MRC2: variants seen among roughly 807,000 people sequenced by gnomAD.
MRC2 encodes C-type mannose receptor 2.
Under a neutral mutation model 206.2 loss-of-function variants are expected in MRC2, and 84 were observed. The observed-to-expected ratio is 0.41, with a 90% CI of 0.34 to 0.49. The LOEUF (loss-of-function observed/expected upper bound fraction) is 0.49. Among genes scored for constraint, MRC2 ranks in the 20% least tolerant of loss-of-function variants. The pLI is 0.31. For missense variants in MRC2, 1,676 were observed against 2,001.5 expected (o/e 0.84, Z 3.10); for synonymous variants, 798 against 800.0 (o/e 1.00, Z 0.04).
At chr17:62,630,552 G>A (rs1165130127) in intron 1 of MRC2, among the ~76,000 whole-genome samples, 2 of 152,180 alleles carry the variant, frequency 1.3e-5, no homozygotes, top group Non-Finnish European at 2.9e-5. Context: ...CCGGGGAGAA[G>A]GTTGAGTGAA....
intron 14 of MRC2, 34 bp downstream of exon 14, chr17:62,679,936 C>T: frequency 6.3e-7 from 1 of 1,579,870 alleles, no homozygotes; most frequent in Non-Finnish European, 8.6e-7. Flanking sequence ...GACTGCGAGG[C>T]CGGGAGCTTG....
intron 26 of MRC2, 66 bp downstream of exon 26, chr17:62,690,371 C>G: frequency 1.8e-5 from 27 of 1,534,676 alleles, no homozygotes; most frequent in Non-Finnish European, 2.4e-5. Context: ...GGCACTCAGA[C>G]CCATGAGTAC....
intron 1 of MRC2, 28 bp downstream of exon 1, chr17:62,627,948 C>A: frequency 7.3e-7 from 1 of 1,377,076 alleles, no homozygotes; most frequent in Non-Finnish European, 9.4e-7. Flanking sequence ...TGGCCAACTT[C>A]AGGGCCCGGG....
At chr17:62,640,685 A>ATT (rs869295016) in intron 1 of MRC2, among the ~76,000 whole-genome samples, 1,821 of 135,124 alleles carry the variant, frequency 0.013, 42 homozygotes, top group African/African-American at 0.046. Flanking sequence ...CTAATATTTA[A>ATT]TTTTTTTTTT....
intron 18 of MRC2, 182 bp downstream of exon 18, chr17:62,681,311 C>T (rs2088963665): frequency 3.0e-6 from 2 of 667,492 alleles, no homozygotes; most frequent in South Asian, 3.9e-5. Context: ...ATGAGGCCTG[C>T]CTGGTAAGAT....
chr17:62,667,400 C>T lies in MRC2; in HGVS notation c.984C>T (p.Asp328=). The T allele has an allele frequency of 6.2e-7, 1 of 1,600,292 alleles. No individual in the cohort carries two copies. The highest frequency in any genetic ancestry group is 8.5e-7 in the Non-Finnish European group (1 of 1,174,976). Residue 328 remains aspartate (D), a synonymous_variant, in exon 6 of 30, where the codon GAC becomes GAT. Transcript: ENST00000303375. This position sits in a 1 kb window ranked among gnomAD's most constrained non-coding sequence, Gnocchi z 4.1. The part of the protein sequence containing the change: ...KYLNWESDQP[D]NPSEENCGVI... ...CTGCCCTCCCCACAGACCAGCCGGA[C>T]AACCCCAGTGAGGAGAACTGTGGAG...
chr17:62,691,190 G>T, intron 28 of MRC2, 62 bp downstream of exon 28: 3 of 1,507,912 alleles, frequency 2.0e-6, no homozygotes, highest in Non-Finnish European at 2.7e-6. Flanking sequence ...TCCTGGGCTG[G>T]GGCTGGGGGC....
rs1305660234 is a variant in MRC2 at position 62,666,116 on chromosome 17, C to T, written c.543C>T (p.Asn181=). ...PYHEVYTIQG[N]SHGKPCTIPF... ...CAGAGGTCTACACCATCCAGGGAAA[C>T]TCCCACGGAAAGCCGTGCACCATCC... Residue 181 remains asparagine (N), a synonymous_variant, in exon 3 of 30, where the codon AAC becomes AAT. Transcript: ENST00000303375. The surrounding 1 kb of genome is among the most constrained non-coding windows in gnomAD (Gnocchi z 5.0). 5.0e-6 allele frequency: 8 copies of T among 1,594,778 alleles called. No homozygotes were observed. The highest frequency in any genetic ancestry group is 6.8e-6 in the Non-Finnish European group (8 of 1,170,266).
At position 62,671,710 on chromosome 17, in the gene MRC2, C is replaced by A; in HGVS notation, c.1179C>A (p.Cys393Ter). ...EPSWQPFQGH[C>*]YRLQAEKRSW... ...GCTGGCAGCCCTTCCAGGGCCACTG[C>A]TACCGCCTGCAGGCCGAGAAGCGCA... is the stretch of plus-strand genomic sequence containing the variant. Residue 393 changes from cysteine (C) to a stop codon, truncating the protein, a stop_gained, in exon 7 of 30, where the codon TGC (cysteine) becomes TGA (stop). Coordinates refer to ENST00000303375, the MANE Select transcript of MRC2 (RefSeq NM_006039.5). LOFTEE classifies it high-confidence loss of function. The surrounding 1 kb of genome is among the most constrained non-coding windows in gnomAD (Gnocchi z 4.5). The A allele has an allele frequency of 6.2e-7, 1 of 1,612,182 alleles. No homozygotes were observed. Among genetic ancestry groups the A allele is most frequent in the Non-Finnish European group, 8.5e-7 (1 of 1,179,166 alleles).
chr17:62,680,700 C>T lies in MRC2; in HGVS notation c.2474-100C>T. On this transcript the variant is annotated intron_variant, in intron 16 of 29. Coordinates refer to ENST00000303375, the MANE Select transcript of MRC2 (RefSeq NM_006039.5). The surrounding 1 kb of genome is among the most constrained non-coding windows in gnomAD (Gnocchi z 4.8). ...TCCGGTGTGCCTGCAGGCTCGCCTG[C>T]TGCCGCCTGGCTCTGCCCCGGCCCT... 7.3e-7 allele frequency: 1 copy of T among 1,369,370 alleles called. No individual in the cohort carries two copies. The highest frequency in any genetic ancestry group is 9.5e-7 in the Non-Finnish European group (1 of 1,054,588). 84.8% of individuals were successfully genotyped at this position (1,369,370 alleles called of 1,614,324 possible).
chr17:62,634,405 A>G (rs1394203210), intron 1 of MRC2, among the ~76,000 whole-genome samples: 1 of 152,278 alleles, frequency 6.6e-6, no homozygotes, highest in Middle Eastern at 3.4e-3. Context: ...GGTTCAAGCA[A>G]TTCTCCTGCC....
At position 62,674,183 on chromosome 17, in the gene MRC2, C is replaced by T; in HGVS notation, c.1569+13C>T. 6.5e-7 allele frequency: 1 copy of T among 1,541,636 alleles called. No individual in the cohort carries two copies. The highest frequency in any genetic ancestry group is 8.8e-7 in the Non-Finnish European group (1 of 1,141,658). ...TGGCTGCCGGAAGGTGAGGGTGTTTCTGGAGCTGCCCTGAGTGGGGCCACC... is the reference window on the plus strand; with the variant it reads ...TGGCTGCCGGAAGGTGAGGGTGTTTTTGGAGCTGCCCTGAGTGGGGCCACC... On this transcript the variant is annotated intron_variant, in intron 9 of 29. Coordinates refer to ENST00000303375, the MANE Select transcript of MRC2 (RefSeq NM_006039.5).
Position 62,629,917 on chromosome 17 carries a change from G to T in MRC2, c.118+1997G>T, listed in dbSNP as rs536046073. ...GCAGTTTCCTGACCACCATGGGGGA[G>T]CCCTGTGTGCCCAGAGCACGGGGCA... On this transcript the variant is annotated intron_variant, in intron 1 of 29. Coordinates refer to ENST00000303375, the MANE Select transcript of MRC2 (RefSeq NM_006039.5). Among the ~76,000 whole-genome samples, 5 of 152,326 alleles carry T rather than the reference G, an allele frequency of 3.3e-5. No individual in the cohort carries two copies. The South Asian group carries it at 1.0e-3, about 32-fold the overall frequency.
At chr17:62,669,401 A>C (rs556994342) in intron 6 of MRC2, among the ~76,000 whole-genome samples, 1 of 152,124 alleles carries the variant, frequency 6.6e-6, no homozygotes, top group Admixed American at 6.5e-5. Flanking sequence ...TTTTTAGTAG[A>C]GACGGGGTTT....
intron 1 of MRC2, among the ~76,000 whole-genome samples, chr17:62,645,519 A>ATT (rs2088469070): frequency 2.1e-4 from 14 of 66,096 alleles, no homozygotes; most frequent in Admixed American, 3.8e-4. Context: ...ATATATATAT[A>ATT]TATATATATT....
intron 11 of MRC2, among the ~76,000 whole-genome samples, chr17:62,676,882 GAAAC>G (rs2088899180): frequency 6.6e-6 from 1 of 152,224 alleles, no homozygotes; most frequent in Non-Finnish European, 1.5e-5. Flanking sequence ...TCACAAAAAA[GAAAC>G]AAATAATCTC....
In MRC2 at chr17:62,680,436, C is replaced by G; in HGVS notation, c.2456C>G (p.Pro819Arg). 2 of 1,614,074 alleles carry G rather than the reference C, an allele frequency of 1.2e-6. No homozygotes were observed. The highest frequency in any genetic ancestry group is 1.7e-6 in the Non-Finnish European group (2 of 1,180,004). Residue 819 changes from proline to arginine, a missense_variant, in exon 16 of 30, where the codon CCC becomes CGC. Transcript: ENST00000303375. The surrounding 1 kb of genome is among the most constrained non-coding windows in gnomAD (Gnocchi z 4.8). ...CCCCTAGGTACGGACGTGCGGGAGCCCGACGACAGCCCTCAAGGTGAGCAC... is the reference window on the plus strand; with the variant it reads ...CCCCTAGGTACGGACGTGCGGGAGCGCGACGACAGCCCTCAAGGTGAGCAC... ...KIPRGTDVREPDDSPQGRREW... is the reference protein window; with the variant it reads ...KIPRGTDVRERDDSPQGRREW...
chr17:62,688,195 C>T lies in MRC2; in HGVS notation c.2947-94C>T, dbSNP rs1053095641. The T allele has an allele frequency of 1.1e-5, 12 of 1,084,938 alleles. No individual in the cohort carries two copies. In the South Asian group the frequency reaches 1.6e-4, roughly 14 times the overall value. 67.2% of individuals were successfully genotyped at this position (1,084,938 alleles called of 1,614,324 possible). A position where few individuals can be genotyped will look rare whatever the true frequency, so the allele number is the denominator to read the frequency against. ...TTCTCTCCCGGCCCTCAAAGGCCCC[C>T]CAGGACCTGCTGCTGAGGGGCGCAC... On this transcript the variant is annotated intron_variant, in intron 20 of 29. Coordinates refer to ENST00000303375, the MANE Select transcript of MRC2 (RefSeq NM_006039.5).
intron 6 of MRC2, among the ~76,000 whole-genome samples, chr17:62,670,494 C>T (rs994136642): frequency 6.6e-6 from 1 of 152,218 alleles, no homozygotes; most frequent in African/African-American, 2.4e-5. Context: ...TTCTAGTGGG[C>T]GCGCAGTTTC....
Sources: gnomAD v4.1 joint callset for allele counts (sites outside exome capture counted in the v4.1 genomes callset) on GRCh38, gnomAD v4.1.1 for gene constraint, Gnocchi (gnomAD v3.1) non-coding constraint, MANE v1.5 for transcripts, NCBI Gene and HGNC (gene_info 2026-07-23, HGNC 2026-07-21) for gene names.